LAX1: variants seen among roughly 807,000 people sequenced by gnomAD.
The protein encoded by LAX1 is lymphocyte transmembrane adapter 1.
Under a neutral mutation model 20.7 loss-of-function variants are expected in LAX1, and 17 were observed. The ratio of observed to expected loss-of-function variants is 0.82; its 90% CI spans 0.56 to 1.23. The LOEUF is 1.23. Ranked by LOEUF, LAX1 falls within the 50% of genes most tolerant of loss-of-function variation. The pLI is 0.00. For missense variants in LAX1, 470 were observed against 487.0 expected, an observed-to-expected ratio of 0.97 and a Z score of 0.33; for synonymous variants, 165 against 181.0, an observed-to-expected ratio of 0.91 and a Z score of 0.71.
In LAX1 at chr1:203,765,232, T is replaced by G; in HGVS notation, c.-334T>G. ...GACGAGCTTCTCACGGAGCCTCTCT[T>G]GAGCCTCTTGGCAGTTTCCCCCTCT... On this transcript the variant is annotated 5_prime_UTR_variant, in exon 1 of 5. Transcript: ENST00000442561. 2.1e-6 allele frequency: 2 copies of G among 948,068 alleles called. No homozygotes were observed. Among genetic ancestry groups the G allele is most frequent in the Non-Finnish European group, 3.3e-6 (2 of 607,610 alleles). 58.7% of individuals were successfully genotyped at this position (948,068 alleles called of 1,614,324 possible).
intron 4 of LAX1, 64 bp downstream of exon 4, chr1:203,772,211 A>G: frequency 7.9e-7 from 1 of 1,265,966 alleles, no homozygotes; most frequent in African/African-American, 1.5e-5. Context: ...GGAAAGAGTT[A>G]TAGGGCTTAG....
chr1:203,770,502 G>A (rs56138415), intron 1 of LAX1, among the ~76,000 whole-genome samples: 4,926 of 29,874 alleles, frequency 0.16, 617 homozygotes, highest in East Asian at 0.66. Flanking sequence ...AGGAAGGAAG[G>A]AAGGAAGGAA....
Position 203,770,831 on chromosome 1 carries a change from T to C in LAX1, c.93T>C (p.Asn31=), listed in dbSNP as rs750487584. The change falls in exon 2 of 5, where the codon AAT becomes AAC. Residue 31 remains asparagine, a synonymous_variant. Coordinates refer to ENST00000442561, the MANE Select transcript of LAX1 (RefSeq NM_017773.4). The part of the protein sequence containing the change: ...LHVTPRSLDR[N]KDQITNIFSG... ...TGTCATTCGATTGTTTTTCTAGAAA[T>C]AAAGACCAGATCACCAACATCTTTT... The C allele has an allele frequency of 1.9e-6, 3 of 1,613,258 alleles. No individual in the cohort carries two copies. The South Asian group carries it at 3.3e-5, about 18-fold the overall frequency.
chr1:203,772,794 T>TC (rs1667443771), intron 4 of LAX1, among the ~76,000 whole-genome samples: 1 of 144,338 alleles, frequency 6.9e-6, no homozygotes, highest in Non-Finnish European at 1.5e-5. Context: ...TCCCACCTCA[T>TC]CCCCCCAAGT....
Position 203,771,440 on chromosome 1 carries a change from TA to T in LAX1, c.274del (p.Ile92PhefsTer115). 1 of 1,613,338 alleles carries T rather than the reference TA, an allele frequency of 6.2e-7. No homozygotes were observed. The highest frequency in any genetic ancestry group is 8.5e-7 in the Non-Finnish European group (1 of 1,179,378). ...LPQTRQRAKN[I>X]YDILPWRQED... ...CACAAACCAGACAAAGAGCCAAAAA[TA>T]TTTATGACATCTTGCCTTGGCGACA... is the stretch of plus-strand genomic sequence containing the variant. On this transcript the variant is annotated frameshift_variant, in exon 3 of 5. Coordinates refer to ENST00000442561, the MANE Select transcript of LAX1 (RefSeq NM_017773.4). LOFTEE classifies it high-confidence loss of function.
chr1:203,768,689 T>C (rs1667343940), intron 1 of LAX1, among the ~76,000 whole-genome samples: 1 of 152,230 alleles, frequency 6.6e-6, no homozygotes, highest in East Asian at 1.9e-4. Context: ...GGGAGAGTGA[T>C]GAGTAGAGGA....
In LAX1 at chr1:203,774,393, T is replaced by C. The variant is rs1558072954; in HGVS notation, c.909T>C (p.Ser303=). The C allele has an allele frequency of 3.1e-6, 5 of 1,614,208 alleles. No individual in the cohort carries two copies. Among genetic ancestry groups the C allele is most frequent in the South Asian group, 1.1e-5 (1 of 91,086 alleles). Residue 303 remains serine (S), a synonymous_variant, in exon 5 of 5, where the codon AGT becomes AGC. Coordinates refer to ENST00000442561, the MANE Select transcript of LAX1 (RefSeq NM_017773.4). ...AAAATGTTCCAGCAGCAGATCCCAGTGGAAGCCAGCAGCAGGCTGAGAAAG... is the reference window on the plus strand; with the variant it reads ...AAAATGTTCCAGCAGCAGATCCCAGCGGAAGCCAGCAGCAGGCTGAGAAAG... ...DYENVPAADP[S]GSQQQAEKDV... is the part of the protein sequence containing the mutation.
At chr1:203,771,504 G>A (rs1270278077) in intron 3 of LAX1, 27 bp downstream of exon 3, 1 of 1,345,314 alleles carries the variant, frequency 7.4e-7, no homozygotes, top group South Asian at 1.2e-5. Context: ...AATCTATGGA[G>A]TCCAGATATT....
chr1:203,772,246 G>A, intron 4 of LAX1, 99 bp downstream of exon 4: 1 of 899,272 alleles, frequency 1.1e-6, no homozygotes, highest in Non-Finnish European at 1.8e-6. Flanking sequence ...CAAACAAACA[G>A]CATGCCCTTT....
chr1:203,772,564 A>C (rs1459056138), intron 4 of LAX1, among the ~76,000 whole-genome samples: 1 of 152,054 alleles, frequency 6.6e-6, no homozygotes, highest in Non-Finnish European at 1.5e-5. Flanking sequence ...AGTAGCTGGG[A>C]TTACAGGCAT....
chr1:203,765,950 T>C (rs1667297088), intron 1 of LAX1, among the ~76,000 whole-genome samples: 1 of 152,086 alleles, frequency 6.6e-6, no homozygotes, highest in Admixed American at 6.6e-5. Flanking sequence ...CTGAACCCTA[T>C]CATCAGTCTT....
chr1:203,766,069 TACGTCCTTA>T (rs1667298864), intron 1 of LAX1, among the ~76,000 whole-genome samples: 3 of 152,222 alleles, frequency 2.0e-5, no homozygotes, highest in Non-Finnish European at 1.5e-5. Context: ...GTAATAAAGA[TACGTCCTTA>T]GGACGTAAAA....
Position 203,774,911 on chromosome 1 carries a change from C to A in LAX1, c.*230C>A. 1 of 547,874 alleles carries A rather than the reference C, an allele frequency of 1.8e-6. No homozygotes were observed. The highest frequency in any genetic ancestry group is 3.2e-6 in the Non-Finnish European group (1 of 310,664). 33.9% of individuals were successfully genotyped at this position (547,874 alleles called of 1,614,324 possible). A position where few individuals can be genotyped will look rare whatever the true frequency, so the allele number is the denominator to read the frequency against. ...AGAGTGTGGTTATCTCCTGTACCAG[C>A]CTAAGAATGTTTGCTGAAACTGCTT... On this transcript the variant is annotated 3_prime_UTR_variant, in exon 5 of 5. Transcript: ENST00000442561.
intron 1 of LAX1, among the ~76,000 whole-genome samples, chr1:203,770,461 GGAAGGAAGGA>G (rs1558070671): frequency 0.048 from 784 of 16,402 alleles, 146 homozygotes; most frequent in South Asian, 0.13. Context: ...GAGAAAGGAA[GGAAGGAAGGA>G]AGGAAGGAAG....
rs961499111 is a variant in LAX1, at chr1:203,765,184, C to T, written c.-382C>T. 3.1e-6 allele frequency: 2 copies of T among 647,730 alleles called. No homozygotes were observed. The highest frequency in any genetic ancestry group is 5.6e-5 in the Admixed American group (2 of 35,698). 40.1% of individuals were successfully genotyped at this position (647,730 alleles called of 1,614,324 possible). A position where few individuals can be genotyped will look rare whatever the true frequency, so the allele number is the denominator to read the frequency against. ...CTGGCAAAGTGGTTTGCTCTTTTCA[C>T]TCTGCTTTGGGTGTTGAAGGAAGAC... On this transcript the variant is annotated 5_prime_UTR_variant, in exon 1 of 5. Coordinates refer to ENST00000442561, the MANE Select transcript of LAX1 (RefSeq NM_017773.4).
intron 3 of LAX1, among the ~76,000 whole-genome samples, chr1:203,771,759 C>G (rs2102268237): frequency 6.6e-6 from 1 of 152,164 alleles, no homozygotes; most frequent in Admixed American, 6.5e-5. Flanking sequence ...GGGAAGACAC[C>G]AAGGAAGAGA....
chr1:203,774,886 A>G lies in LAX1; in HGVS notation c.*205A>G. On this transcript the variant is annotated 3_prime_UTR_variant, in exon 5 of 5. Coordinates refer to ENST00000442561, the MANE Select transcript of LAX1 (RefSeq NM_017773.4). ...TTCCAGAAGGGAATTCTTCTCAAGC[A>G]GAGTGTGGTTATCTCCTGTACCAGC... The G allele has an allele frequency of 1.7e-6, 1 of 588,122 alleles. No individual in the cohort carries two copies. Among genetic ancestry groups the G allele is most frequent in the African/African-American group, 1.9e-5 (1 of 53,892 alleles). The allele number at this position is 588,122 out of a possible 1,614,324, so 36.4% of individuals were successfully genotyped here. A position where few individuals can be genotyped will look rare whatever the true frequency, so the allele number is the denominator to read the frequency against.
chr1:203,768,344 C>T (rs533723030), intron 1 of LAX1, among the ~76,000 whole-genome samples: 24 of 152,220 alleles, frequency 1.6e-4, no homozygotes, highest in Admixed American at 5.9e-4. Context: ...GTCATCAGTG[C>T]TATGAAGAAA....
intron 1 of LAX1, among the ~76,000 whole-genome samples, chr1:203,768,681 G>A (rs1016312432): frequency 6.6e-6 from 1 of 152,228 alleles, no homozygotes; most frequent in African/African-American, 2.4e-5. Flanking sequence ...CGAAGCCGGG[G>A]AGAGTGATGA....
Sources: allele counts gnomAD v4.1 joint callset (sites outside exome capture counted in the v4.1 genomes callset), GRCh38; gene constraint gnomAD v4.1.1; transcripts MANE v1.5; gene names NCBI Gene and HGNC (gene_info 2026-07-23, HGNC 2026-07-21).